Variants in ARNT2 observed in about 807,000 individuals in gnomAD.
ARNT2 encodes the protein ARNT protein 2.
In ARNT2, 36 loss-of-function variants were observed where a neutral mutation model predicts 91.7. The ratio of observed to expected loss-of-function variants is 0.39; its 90% confidence interval spans 0.30 to 0.52. The LOEUF (loss-of-function observed/expected upper bound fraction) is 0.52. Ranked by LOEUF, ARNT2 falls within the 20% of genes least tolerant of loss-of-function variation. ARNT2 has a pLI of 0.72. For missense variants in ARNT2, 775 were observed against 939.3 expected (o/e 0.83, Z 2.29); for synonymous variants, 365 against 347.1 (o/e 1.05, Z -0.57).
At chr15:80,552,804 T>C in intron 10 of ARNT2, 30 bp downstream of exon 10, 1 of 1,605,326 alleles carries the variant, frequency 6.2e-7, no homozygotes, top group Non-Finnish European at 8.5e-7. Flanking sequence ...CCTATGGCAA[T>C]TGACTAGAGA....
intron 8 of ARNT2, 134 bp downstream of exon 8, chr15:80,514,539 T>A: frequency 1.3e-6 from 1 of 757,240 alleles, no homozygotes; most frequent in Non-Finnish European, 2.1e-6. Context: ...TAGAACACAA[T>A]GATCTTTGTA....
At chr15:80,518,191 G>T (rs947899828) in intron 8 of ARNT2, among the ~76,000 whole-genome samples, 1 of 150,384 alleles carries the variant, frequency 6.6e-6, no homozygotes, top group Admixed American at 6.6e-5. Flanking sequence ...GTAGCTATAG[G>T]TTCCAGAGGC....
chr15:80,464,322 G>A (rs1039472845), intron 3 of ARNT2, among the ~76,000 whole-genome samples: 2 of 151,874 alleles, frequency 1.3e-5, no homozygotes, highest in South Asian at 2.1e-4. Flanking sequence ...TGGGGGCTGG[G>A]GGTGGGGGGT....
intron 5 of ARNT2, among the ~76,000 whole-genome samples, chr15:80,489,848 G>A (rs1240192874): frequency 6.6e-6 from 1 of 152,200 alleles, no homozygotes; most frequent in Non-Finnish European, 1.5e-5. Flanking sequence ...CTTTCTGCCT[G>A]GGTTTGAGTC....
intron 3 of ARNT2, among the ~76,000 whole-genome samples, chr15:80,467,643 A>G (rs984490857): frequency 1.1e-4 from 17 of 152,232 alleles, no homozygotes; most frequent in Admixed American, 6.5e-5. Context: ...ATCAGCGGCC[A>G]GGGTGCCTGC....
At chr15:80,451,586 A>G (rs1231443063) in intron 2 of ARNT2, among the ~76,000 whole-genome samples, 1 of 152,206 alleles carries the variant, frequency 6.6e-6, no homozygotes, top group Non-Finnish European at 1.5e-5. Flanking sequence ...GCACCTATTC[A>G]TGATCCATAA....
At chr15:80,480,582 G>T (rs1263340300) in intron 5 of ARNT2, among the ~76,000 whole-genome samples, 1 of 152,186 alleles carries the variant, frequency 6.6e-6, no homozygotes, top group Non-Finnish European at 1.5e-5. Flanking sequence ...GATTTGGCCT[G>T]TTTCCCCTGC....
intron 3 of ARNT2, among the ~76,000 whole-genome samples, chr15:80,469,125 C>A (rs1185922829): frequency 6.6e-6 from 1 of 152,028 alleles, no homozygotes; most frequent in African/African-American, 2.4e-5. Flanking sequence ...TTAGATAATT[C>A]TTTTATCCCA....
chr15:80,476,541 T>C (rs1896805255), intron 5 of ARNT2, among the ~76,000 whole-genome samples: 1 of 152,246 alleles, frequency 6.6e-6, no homozygotes, highest in African/African-American at 2.4e-5. Flanking sequence ...TCATTCTCCC[T>C]GACCATATTG....
At chr15:80,573,826 C>T (rs970879745) in intron 12 of ARNT2, among the ~76,000 whole-genome samples, 2 of 152,214 alleles carry the variant, frequency 1.3e-5, no homozygotes, top group African/African-American at 2.4e-5. Flanking sequence ...AAGCCAACTG[C>T]TTCATTCAGC....
intron 8 of ARNT2, among the ~76,000 whole-genome samples, chr15:80,521,068 T>C (rs899409563): frequency 2.0e-5 from 3 of 152,218 alleles, no homozygotes; most frequent in African/African-American, 7.2e-5. Flanking sequence ...CTAGACACGA[T>C]GTTAACATTG....
At chr15:80,445,280 T>G (rs1896279187) in intron 1 of ARNT2, 1 of 149,500 alleles carries the variant, frequency 6.7e-6, no homozygotes, top group Non-Finnish European at 1.5e-5. Flanking sequence ...ATATGGGGTG[T>G]GTGCAGGTGT....
In ARNT2 at chr15:80,556,936, A is replaced by G. The variant is rs1898201266; in HGVS notation, c.1164+1797A>G. 3 of 152,262 alleles carry G rather than the reference A, an allele frequency of 2.0e-5. No homozygotes were observed. The South Asian group carries it at 6.2e-4, about 32-fold the overall frequency. The allele number at this position is 152,262 out of a possible 1,614,324, so 9.4% of individuals were successfully genotyped here. On this transcript the variant is annotated intron_variant, in intron 11 of 18. Transcript: ENST00000303329. ...GGCTCTCACATCTTGCTTCAGCCCT[A>G]GGAAAGAATAGAGCGGGCAGTGTTC...
At chr15:80,514,480 G>T in intron 8 of ARNT2, 75 bp downstream of exon 8, 1 of 1,289,076 alleles carries the variant, frequency 7.8e-7, no homozygotes, top group Non-Finnish European at 1.1e-6. Context: ...TGTTAGAGAA[G>T]TATTCTCATA....
intron 1 of ARNT2, chr15:80,433,764 A>G (rs1896047105): frequency 6.6e-6 from 1 of 152,228 alleles, no homozygotes; most frequent in African/African-American, 2.4e-5. Context: ...ATTAATGTGT[A>G]CATGAGAACC....
chr15:80,581,153 G>T (rs888778599), intron 16 of ARNT2, 86 bp from the exon 17 acceptor site: 2 of 1,521,448 alleles, frequency 1.3e-6, no homozygotes, highest in African/African-American at 2.7e-5. Context: ...AGCAGGCACT[G>T]CCCCTGCGAC....
chr15:80,441,299 T>A (rs1167378487), intron 1 of ARNT2: 1 of 984,974 alleles, frequency 1.0e-6, no homozygotes, highest in Admixed American at 6.1e-5. Flanking sequence ...TTCTGACATT[T>A]CTTCTACACG....
At chr15:80,546,386 G>T (rs546293719) in intron 8 of ARNT2, among the ~76,000 whole-genome samples, 1 of 152,214 alleles carries the variant, frequency 6.6e-6, no homozygotes. Flanking sequence ...AGCCATGTCA[G>T]TTGAACACCT....
chr15:80,499,576 A>G (rs1459095712), intron 5 of ARNT2, among the ~76,000 whole-genome samples: 1 of 152,208 alleles, frequency 6.6e-6, no homozygotes, highest in Admixed American at 6.5e-5. Flanking sequence ...AAGCTGAATC[A>G]CTGCTGTTGA....
Sources: gnomAD v4.1 joint callset for allele counts (sites outside exome capture counted in the v4.1 genomes callset) on GRCh38, gnomAD v4.1.1 for gene constraint, MANE v1.5 for transcripts, NCBI Gene and HGNC (gene_info 2026-07-23, HGNC 2026-07-21) for gene names.